The following MARCHF10 variants were observed in gnomAD, a reference collection of about 807,000 sequenced individuals.
MARCHF10 encodes the protein probable E3 ubiquitin-protein ligase MARCHF10.
Under a neutral mutation model 76.2 loss-of-function variants are expected in MARCHF10, and 64 were observed. The observed-to-expected ratio is 0.84, with a 90% CI of 0.69 to 1.03. The LOEUF is 1.03. Ranked by LOEUF, MARCHF10 falls within the 50% of genes least tolerant of loss-of-function variation. The pLI is 0.00. For missense variants in MARCHF10, 875 were observed against 958.0 expected, an observed-to-expected ratio of 0.91 and a Z score of 1.14; for synonymous variants, 340 against 357.5, an observed-to-expected ratio of 0.95 and a Z score of 0.55.
chr17:62,704,249 G>C (rs1390025930), intron 10 of MARCHF10, among the ~76,000 whole-genome samples: 1 of 151,804 alleles, frequency 6.6e-6, no homozygotes, highest in Non-Finnish European at 1.5e-5. Context: ...GTTTTCCCCG[G>C]AGGTGCGGCG....
chr17:62,796,637 G>T (rs916205815), intron 2 of MARCHF10, among the ~76,000 whole-genome samples: 1 of 152,168 alleles, frequency 6.6e-6, no homozygotes, highest in Non-Finnish European at 1.5e-5. Flanking sequence ...CATTGAAGAG[G>T]GAGACTCAGC....
chr17:62,731,303 C>T (rs1294367462), intron 6 of MARCHF10, among the ~76,000 whole-genome samples: 32 of 152,010 alleles, frequency 2.1e-4, no homozygotes, highest in Admixed American at 2.1e-3. Flanking sequence ...TGCTCTGTTG[C>T]CCAGGCTGGA....
intron 1 of MARCHF10, among the ~76,000 whole-genome samples, chr17:62,805,465 G>A (rs1181655691): frequency 2.0e-5 from 3 of 152,146 alleles, no homozygotes; most frequent in Non-Finnish European, 4.4e-5. Context: ...GATACATTTT[G>A]GTTGCCAAAG....
chr17:62,804,370 AGAG>A (rs1358047065), intron 1 of MARCHF10, among the ~76,000 whole-genome samples: 1 of 152,178 alleles, frequency 6.6e-6, no homozygotes, highest in African/African-American at 2.4e-5. Flanking sequence ...GGGAACGAAA[AGAG>A]AAAGAGGACA....
chr17:62,750,969 A>G (rs2091880372), intron 4 of MARCHF10, among the ~76,000 whole-genome samples: 1 of 152,158 alleles, frequency 6.6e-6, no homozygotes, highest in Non-Finnish European at 1.5e-5. Flanking sequence ...AGCAGGCTGT[A>G]GTCATGCCCT....
intron 6 of MARCHF10, among the ~76,000 whole-genome samples, chr17:62,727,512 G>GA (rs1298400978): frequency 6.6e-6 from 1 of 151,136 alleles, no homozygotes; most frequent in Non-Finnish European, 1.5e-5. Flanking sequence ...CAAAAAAAAA[G>GA]AAAAAAATAT....
At chr17:62,794,702 T>C (rs1455779432) in intron 2 of MARCHF10, among the ~76,000 whole-genome samples, 1 of 152,202 alleles carries the variant, frequency 6.6e-6, no homozygotes, top group Non-Finnish European at 1.5e-5. Flanking sequence ...CCCAGCCTCA[T>C]AATTCTGGTA....
chr17:62,807,455 G>A (rs900768198), intron 1 of MARCHF10, among the ~76,000 whole-genome samples: 1 of 152,106 alleles, frequency 6.6e-6, no homozygotes, highest in Non-Finnish European at 1.5e-5. Context: ...GTCACATTTC[G>A]ACCATCAAGC....
At chr17:62,782,927 G>A (rs1186541749) in intron 3 of MARCHF10, among the ~76,000 whole-genome samples, 2 of 152,110 alleles carry the variant, frequency 1.3e-5, no homozygotes, top group East Asian at 1.9e-4. Flanking sequence ...AAATCCTCCA[G>A]TATCCCCCAA....
intron 2 of MARCHF10, 39 bp from the exon 3 acceptor site, chr17:62,788,638 A>G (rs760355074): frequency 1.2e-6 from 2 of 1,611,798 alleles, no homozygotes; most frequent in East Asian, 4.5e-5. Flanking sequence ...TCTTAGGACC[A>G]TGGCAAGCTT....
chr17:62,717,175 G>A (rs992976932), intron 8 of MARCHF10, among the ~76,000 whole-genome samples: 9 of 152,216 alleles, frequency 5.9e-5, no homozygotes, highest in African/African-American at 2.2e-4. Context: ...CTGGGGTTTC[G>A]CCCAGGCTGT....
At chr17:62,793,502 C>A (rs2092919535) in intron 2 of MARCHF10, among the ~76,000 whole-genome samples, 1 of 104,004 alleles carries the variant, frequency 9.6e-6, no homozygotes, top group African/African-American at 4.4e-5. Context: ...ACCACCACCA[C>A]CTCCATCACC....
At chr17:62,742,959 C>T (rs562544402) in intron 5 of MARCHF10, among the ~76,000 whole-genome samples, 2 of 152,128 alleles carry the variant, frequency 1.3e-5, no homozygotes, top group Non-Finnish European at 2.9e-5. Flanking sequence ...TAATATTCAA[C>T]AGTTCATTAA....
chr17:62,749,455 A>G (rs1346449075), intron 4 of MARCHF10, among the ~76,000 whole-genome samples: 1 of 151,630 alleles, frequency 6.6e-6, no homozygotes, highest in African/African-American at 2.4e-5. Flanking sequence ...CAACTCTTTG[A>G]AAAAAAAAGT....
chr17:62,757,147 A>G (rs532599325), intron 4 of MARCHF10, among the ~76,000 whole-genome samples: 6 of 152,146 alleles, frequency 3.9e-5, no homozygotes, highest in African/African-American at 9.7e-5. Context: ...TTTTTCAGTA[A>G]AAGTCTGGTA....
intron 3 of MARCHF10, among the ~76,000 whole-genome samples, chr17:62,771,334 C>T (rs1276146556): frequency 6.6e-6 from 1 of 151,716 alleles, no homozygotes; most frequent in African/African-American, 2.4e-5. Context: ...CAATCTCAGG[C>T]ATGGCGGGAG....
intron 1 of MARCHF10, among the ~76,000 whole-genome samples, chr17:62,803,032 C>G (rs2093102635): frequency 1.3e-5 from 2 of 152,212 alleles, no homozygotes; most frequent in Admixed American, 6.5e-5. Flanking sequence ...TCATAACTCA[C>G]TGGGTATAGT....
chr17:62,718,045 C>A (rs1402324797), intron 8 of MARCHF10, among the ~76,000 whole-genome samples: 1 of 152,158 alleles, frequency 6.6e-6, no homozygotes, highest in Non-Finnish European at 1.5e-5. Context: ...GTCAGTCGAG[C>A]GTCTCTGTGG....
intron 2 of MARCHF10, among the ~76,000 whole-genome samples, chr17:62,793,340 C>G (rs1185378589): frequency 6.8e-6 from 1 of 148,032 alleles, no homozygotes; most frequent in East Asian, 2.0e-4. Context: ...CCACAAACAC[C>G]ATCAACCACC....
Sources: allele counts gnomAD v4.1 joint callset (sites outside exome capture counted in the v4.1 genomes callset), GRCh38; gene constraint gnomAD v4.1.1; transcripts MANE v1.5; gene names NCBI Gene and HGNC (gene_info 2026-07-23, HGNC 2026-07-21).